The following TADA2A variants were observed in gnomAD, a reference collection of about 807,000 sequenced individuals.
The protein encoded by TADA2A is transcriptional adapter 2-alpha.
Under a neutral mutation model 67.4 loss-of-function variants are expected in TADA2A, and 38 were observed. That is an observed-to-expected ratio of 0.56 (90% CI 0.44 to 0.74). TADA2A has a LOEUF of 0.74. Among genes scored for constraint, TADA2A ranks in the 30% least tolerant of loss-of-function variants. TADA2A has a pLI of 0.00. For missense variants in TADA2A, 454 were observed against 547.0 expected (o/e 0.83, Z 1.70); for synonymous variants, 192 against 181.6 (o/e 1.06, Z -0.46).
chr17:37,474,666 G>A (rs768853424), intron 15 of TADA2A, 37 bp downstream of exon 15: 1 of 1,581,002 alleles, frequency 6.3e-7, no homozygotes, highest in South Asian at 1.1e-5. Flanking sequence ...AAGAGAATAG[G>A]GGCTGATTAT....
At chr17:37,434,088 G>T (rs1174894162) in intron 4 of TADA2A, among the ~76,000 whole-genome samples, 1 of 152,200 alleles carries the variant, frequency 6.6e-6, no homozygotes, top group Non-Finnish European at 1.5e-5. Flanking sequence ...ATCCCACATT[G>T]CATTTAGTCA....
At chr17:37,470,580 T>C in intron 13 of TADA2A, 48 bp downstream of exon 13, 1 of 1,473,444 alleles carries the variant, frequency 6.8e-7, no homozygotes, top group African/African-American at 1.4e-5. Context: ...TGGGATGCCT[T>C]GGCCTTCACA....
At position 37,424,599 on chromosome 17, in the gene TADA2A, C is replaced by G. The variant is rs904208093; in HGVS notation, c.132+984C>G. Among the ~76,000 whole-genome samples, 10 of 152,194 alleles carry G rather than the reference C, an allele frequency of 6.6e-5. No homozygotes were observed. The East Asian group carries it at 1.7e-3, about 27-fold the overall frequency. ...AGACGGGAGTTTCGCTATTGTTTTCCAGGCTGGAGTGCAATGGTGTGATCT... is the reference window on the plus strand; with the variant it reads ...AGACGGGAGTTTCGCTATTGTTTTCGAGGCTGGAGTGCAATGGTGTGATCT... On this transcript the variant is annotated intron_variant, in intron 3 of 15. Coordinates refer to ENST00000615182, the MANE Select transcript of TADA2A (RefSeq NM_001166105.3).
intron 12 of TADA2A, among the ~76,000 whole-genome samples, chr17:37,468,802 CATT>C (rs2053723011): frequency 6.6e-6 from 1 of 152,108 alleles, no homozygotes; most frequent in Non-Finnish European, 1.5e-5. Flanking sequence ...GTTTTGCTGT[CATT>C]GTTGAAATGA....
rs2053913518 is a variant in TADA2A at position 37,477,498 on chromosome 17, C to A, written c.*516C>A. 6.9e-6 allele frequency: 1 copy of A among 145,748 alleles called. No individual in the cohort carries two copies. Among genetic ancestry groups the A allele is most frequent in the Non-Finnish European group, 1.5e-5 (1 of 66,960 alleles). 9.0% of individuals were successfully genotyped at this position (145,748 alleles called of 1,614,324 possible). ...TTTTTTTTTTGAGACAGAGTTTGCT[C>A]TTGTCCTCCAGGCTGGAGTGTGATG... is the stretch of plus-strand genomic sequence containing the variant. On this transcript the variant is annotated 3_prime_UTR_variant, in exon 16 of 16. Coordinates refer to ENST00000615182, the MANE Select transcript of TADA2A (RefSeq NM_001166105.3).
chr17:37,472,720 G>A (rs1252025639), intron 14 of TADA2A, among the ~76,000 whole-genome samples: 1 of 151,970 alleles, frequency 6.6e-6, no homozygotes, highest in Non-Finnish European at 1.5e-5. Flanking sequence ...AAATTAGCTG[G>A]GTGTGGTGGT....
chr17:37,438,760 T>A (rs1353285393), intron 5 of TADA2A, among the ~76,000 whole-genome samples: 1 of 152,230 alleles, frequency 6.6e-6, no homozygotes, highest in African/African-American at 2.4e-5. Context: ...AGTTTGCTAG[T>A]CATCTTTGGC....
intron 8 of TADA2A, among the ~76,000 whole-genome samples, chr17:37,450,257 G>T (rs2053196624): frequency 6.6e-6 from 1 of 152,132 alleles, no homozygotes; most frequent in South Asian, 2.1e-4. Flanking sequence ...GCACAAAATT[G>T]TTTGTGTGCA....
chr17:37,471,539 G>A (rs553585867), intron 14 of TADA2A, among the ~76,000 whole-genome samples: 3 of 151,968 alleles, frequency 2.0e-5, no homozygotes, highest in African/African-American at 7.2e-5. Flanking sequence ...ACAGAGTCTC[G>A]GTCTGTCGCC....
intron 14 of TADA2A, 48 bp downstream of exon 14, chr17:37,471,185 C>G (rs777325036): frequency 1.3e-6 from 2 of 1,589,928 alleles, no homozygotes; most frequent in African/African-American, 1.3e-5. Context: ...AAGTTTGCAT[C>G]GTAGGGGTTA....
chr17:37,442,611 G>T lies in TADA2A; in HGVS notation c.490G>T (p.Asp164Tyr), dbSNP rs761169873. 1 of 1,613,832 alleles carries T rather than the reference G, an allele frequency of 6.2e-7. No individual in the cohort carries two copies. Among genetic ancestry groups the T allele is most frequent in the Non-Finnish European group, 8.5e-7 (1 of 1,179,950 alleles). The stretch of plus-strand genomic sequence containing the variant: ...TACCTTTGACTCCTTGCTTTCTCGG[G>T]ACATGGCCGGGTACATGCCAGCTCG... ...RPTFDSLLSR[D>Y]MAGYMPARAD... Residue 164 changes from aspartate to tyrosine, a missense_variant, in exon 7 of 16, where the codon GAC (aspartate) becomes TAC (tyrosine). Physicochemically the swap from Asp to Tyr is radical, Grantham distance 160. This residue lies in a region of TADA2A where 403 missense variants were observed against 455.5 expected (regional missense o/e 0.88). Coordinates refer to ENST00000615182, the MANE Select transcript of TADA2A (RefSeq NM_001166105.3).
In TADA2A at chr17:37,478,800, G is replaced by C. The variant is rs1828274212; in HGVS notation, c.*1818G>C. The C allele has an allele frequency of 1.3e-5, 2 of 152,154 alleles. No individual in the cohort carries two copies. The highest frequency in any genetic ancestry group is 4.1e-4 in the South Asian group (2 of 4,824). The allele number at this position is 152,154 out of a possible 1,614,324, so 9.4% of individuals were successfully genotyped here. ...TCAAACTTTTGACTGTTGTAAATATGCATGCAGCTGGGAAGGGATTCATCT... is the reference window on the plus strand; with the variant it reads ...TCAAACTTTTGACTGTTGTAAATATCCATGCAGCTGGGAAGGGATTCATCT... On this transcript the variant is annotated 3_prime_UTR_variant, in exon 16 of 16. Coordinates refer to ENST00000615182, the MANE Select transcript of TADA2A (RefSeq NM_001166105.3).
rs1267461895 is a variant in TADA2A at position 37,474,411 on chromosome 17, C to A, written c.1073-145C>A. 6 of 665,294 alleles carry A rather than the reference C, an allele frequency of 9.0e-6. No individual in the cohort carries two copies. The African/African-American group carries it at 9.1e-5, about 10-fold the overall frequency. The allele number at this position is 665,294 out of a possible 1,614,324, so 41.2% of individuals were successfully genotyped here. ...GTGCCCATGTTGTTAGCTAAACAGG[C>A]CTGAGGGAATGGGACAGGATTTCCT... On this transcript the variant is annotated intron_variant, in intron 14 of 15. Coordinates refer to ENST00000615182, the MANE Select transcript of TADA2A (RefSeq NM_001166105.3).
chr17:37,431,023 T>C (rs2052551299), intron 4 of TADA2A, among the ~76,000 whole-genome samples: 1 of 152,014 alleles, frequency 6.6e-6, no homozygotes, highest in African/African-American at 2.4e-5. Flanking sequence ...TGTTGCTTAT[T>C]GGTAGTGTAA....
At chr17:37,409,413 G>A (rs1176025264) in intron 1 of TADA2A, among the ~76,000 whole-genome samples, 1 of 152,146 alleles carries the variant, frequency 6.6e-6, no homozygotes, top group East Asian at 1.9e-4. Context: ...TTAGAAGTGG[G>A]GGAAAATAGA....
At chr17:37,424,447 G>A (rs1351920355) in intron 3 of TADA2A, among the ~76,000 whole-genome samples, 1 of 151,654 alleles carries the variant, frequency 6.6e-6, no homozygotes, top group East Asian at 1.9e-4. Flanking sequence ...TCTGCCTCCC[G>A]GGTTCAAGTG....
chr17:37,422,709 C>T (rs2052283238), intron 2 of TADA2A, among the ~76,000 whole-genome samples: 2 of 151,932 alleles, frequency 1.3e-5, no homozygotes, highest in Non-Finnish European at 1.5e-5. Flanking sequence ...GCCAGGTTGG[C>T]AAGGCTGGTC....
intron 5 of TADA2A, among the ~76,000 whole-genome samples, chr17:37,440,128 G>A (rs2052868351): frequency 6.6e-6 from 1 of 151,692 alleles, no homozygotes; most frequent in Non-Finnish European, 1.5e-5. Flanking sequence ...TGTATTTTTA[G>A]TAGAGACAGG....
intron 1 of TADA2A, among the ~76,000 whole-genome samples, chr17:37,410,012 A>G (rs1228485506): frequency 6.6e-6 from 1 of 152,046 alleles, no homozygotes; most frequent in Non-Finnish European, 1.5e-5. Flanking sequence ...CTAAAAATAC[A>G]AAACAATTAG....
Sources: gnomAD v4.1 joint callset for allele counts (sites outside exome capture counted in the v4.1 genomes callset) on GRCh38, gnomAD v4.1.1 for gene constraint, gnomAD v4.1.1 regional missense constraint, MANE v1.5 for transcripts, NCBI Gene and HGNC (gene_info 2026-07-23, HGNC 2026-07-21) for gene names.